OGA: variants seen among roughly 807,000 people sequenced by gnomAD.
The protein encoded by OGA is protein O-GlcNAcase.
Under a neutral mutation model 102.0 loss-of-function variants are expected in OGA, and 21 were observed. That is an observed-to-expected ratio of 0.21 (90% CI 0.15 to 0.30). OGA has a LOEUF of 0.30. Ranked by LOEUF, OGA falls within the 10% of genes least tolerant of loss-of-function variation. The pLI is 1.00. For synonymous variants in OGA, 408 were observed against 378.2 expected (o/e 1.08, Z -0.91); for missense variants, 765 against 1,107.8 (o/e 0.69, Z 4.39).
Position 101,818,130 on chromosome 10 carries a change from T to G in OGA, c.-108A>C. 7.2e-7 allele frequency: 1 copy of G among 1,392,038 alleles called. No homozygotes were observed. Among genetic ancestry groups the G allele is most frequent in the South Asian group, 1.6e-5 (1 of 62,712 alleles). 86.2% of individuals were successfully genotyped at this position (1,392,038 alleles called of 1,614,324 possible). ...GGCTTCAGCTCCAAGTGTGCGCCCC[T>G]CCGGCTCCTTCCCCTCCCCCTCTGC... On this transcript the variant is annotated 5_prime_UTR_variant, in exon 1 of 16. Transcript: ENST00000361464.
Position 101,786,937 on chromosome 10 carries a change from C to T in OGA, c.2615-350G>A, listed in dbSNP as rs537003230. On this transcript the variant is annotated intron_variant, in intron 15 of 15. Transcript: ENST00000361464. Reference sequence around the variant, plus strand: ...CGCCTGCCACCACTCTTAGTAGAGACAGGGTTTCACCATGTTGGCCAGGCT... The same window carrying T: ...CGCCTGCCACCACTCTTAGTAGAGATAGGGTTTCACCATGTTGGCCAGGCT... 1.0e-3 allele frequency among the ~76,000 whole-genome samples: 157 copies of T among 152,260 alleles called. 3 individuals carry two copies. Among genetic ancestry groups the T allele is most frequent in the Non-Finnish European group, 2.9e-4 (20 of 68,016 alleles).
At chr10:101,813,406 G>A in intron 2 of OGA, 149 bp downstream of exon 2, 1 of 590,932 alleles carries the variant, frequency 1.7e-6, no homozygotes, top group Non-Finnish European at 2.9e-6. Flanking sequence ...AGGCCTAGGT[G>A]AAGAAAAAAG....
chr10:101,815,989 A>AAAAAC, intron 1 of OGA, among the ~76,000 whole-genome samples: 2 of 150,106 alleles, frequency 1.3e-5, no homozygotes. Flanking sequence ...AAAAAAAAAA[A>AAAAAC]AGCCAGGCGC....
Position 101,791,535 on chromosome 10 carries a change from A to G in OGA, c.2176-96T>C. On this transcript the variant is annotated intron_variant, in intron 12 of 15. Transcript: ENST00000361464. Reference sequence around the variant, plus strand: ...GTCAGTCTGGGGAGGGAGTAACAAAATGGCCTGTCAGAAACATCTATCAGA... The same window carrying G: ...GTCAGTCTGGGGAGGGAGTAACAAAGTGGCCTGTCAGAAACATCTATCAGA... 3 of 854,932 alleles carry G rather than the reference A, an allele frequency of 3.5e-6. No individual in the cohort carries two copies. In the South Asian group the frequency reaches 4.3e-5, roughly 12 times the overall value. The allele number at this position is 854,932 out of a possible 1,614,324, so 53.0% of individuals were successfully genotyped here.
intron 5 of OGA, among the ~76,000 whole-genome samples, chr10:101,807,420 G>A (rs892454425): frequency 4.6e-4 from 70 of 152,010 alleles, no homozygotes; most frequent in Non-Finnish European, 1.2e-4. Flanking sequence ...AGTGACTAAG[G>A]TAAAAGCAAT....
Position 101,799,222 on chromosome 10 carries a change from G to T in OGA, c.1429C>A (p.His477Asn), listed in dbSNP as rs147917003. The T allele has an allele frequency of 1.2e-6, 2 of 1,613,974 alleles. No homozygotes were observed. The highest frequency in any genetic ancestry group is 2.7e-5 in the African/African-American group (2 of 74,870). Reference sequence around the variant, plus strand: ...CTCAGTATTTGATTGTCATTCTTGTGGTCCGTTTCTTCTTGTTTTTCCACC... The same window carrying T: ...CTCAGTATTTGATTGTCATTCTTGTTGTCCGTTTCTTCTTGTTTTTCCACC... ...MVVEKQEETDHKNDNQILSEI... is the reference protein window; with the variant it reads ...MVVEKQEETDNKNDNQILSEI... Residue 477 changes from histidine (H) to asparagine (N), a missense_variant, in exon 9 of 16, where the codon CAC becomes AAC. Coordinates refer to ENST00000361464, the MANE Select transcript of OGA (RefSeq NM_012215.5).
intron 1 of OGA, among the ~76,000 whole-genome samples, chr10:101,814,584 T>A (rs2065598309): frequency 1.3e-5 from 2 of 151,850 alleles, no homozygotes; most frequent in Non-Finnish European, 2.9e-5. Flanking sequence ...AGCAAAACTC[T>A]CTCTCTCAAA....
intron 11 of OGA, 124 bp from the exon 12 acceptor site, chr10:101,793,067 G>T (rs1202715297): frequency 5.8e-6 from 4 of 694,128 alleles, no homozygotes; most frequent in Non-Finnish European, 1.0e-5. Context: ...AAAGAAGAGG[G>T]GTGTACTATG....
Position 101,791,396 on chromosome 10 carries a change from A to T in OGA, c.2219T>A (p.Val740Glu). ...AGGCTGACTTTGAAAGGGTAAACCC[A>T]CTCCATCGTCATACATTTCTCTGCA... ...KICREMYDDG[V>E]GLPFQSQPDL... Residue 740 changes from valine (V) to glutamate (E), a missense_variant, in exon 13 of 16, where the codon GTG becomes GAG. Val to Glu is a moderately radical substitution (Grantham distance 121, BLOSUM62 -2). Around this residue, in one of 7 missense-constraint regions of OGA, gnomAD observed 146 missense variants for 269.7 expected, o/e 0.54. Transcript: ENST00000361464. 6.2e-7 allele frequency: 1 copy of T among 1,614,084 alleles called. No individual in the cohort carries two copies. Among genetic ancestry groups the T allele is most frequent in the Non-Finnish European group, 8.5e-7 (1 of 1,179,982 alleles).
chr10:101,813,709 A>G (rs1332204681), intron 1 of OGA, 103 bp from the exon 2 acceptor site: 2 of 626,738 alleles, frequency 3.2e-6, no homozygotes, highest in South Asian at 2.6e-5. Context: ...TATTTTGTAA[A>G]AAGCATAAAA....
At chr10:101,816,393 T>C (rs1293018455) in intron 1 of OGA, among the ~76,000 whole-genome samples, 1 of 152,222 alleles carries the variant, frequency 6.6e-6, no homozygotes, top group Non-Finnish European at 1.5e-5. Flanking sequence ...GTTCTTTAAA[T>C]AGGAAGAATC....
chr10:101,795,777 T>C (rs1028397524), intron 10 of OGA: 2 of 488,804 alleles, frequency 4.1e-6, no homozygotes, highest in Non-Finnish European at 5.3e-6. Flanking sequence ...GGGCCACACA[T>C]AAAATACACT....
At position 101,800,319 on chromosome 10, in the gene OGA, A is replaced by C. The variant is rs1247674919; in HGVS notation, c.1118T>G (p.Leu373Arg). Residue 373 changes from leucine (L) to arginine (R), a missense_variant, in exon 8 of 16, where the codon CTC becomes CGC. By Grantham distance (102) the Leu-to-Arg change is moderately radical. This residue lies in a region of OGA where 281 missense variants were observed against 345.8 expected (regional missense o/e 0.81). Transcript: ENST00000361464. ...GSDEDIETDV[L>R]YSPQMALKLA... ...CTTTAGAGCCATCTGTGGACTATAG[A>C]GTACATCAGTTTCAATATCTTCATC... 2.5e-6 allele frequency: 4 copies of C among 1,613,384 alleles called. No homozygotes were observed. Among genetic ancestry groups the C allele is most frequent in the Non-Finnish European group, 3.4e-6 (4 of 1,179,370 alleles).
chr10:101,808,085 T>C (rs2065500153), intron 4 of OGA, among the ~76,000 whole-genome samples, 184 bp from the exon 5 acceptor site: 1 of 152,208 alleles, frequency 6.6e-6, no homozygotes, highest in Non-Finnish European at 1.5e-5. Flanking sequence ...CATTTCTCAT[T>C]TGGGTTTGAA....
intron 9 of OGA, among the ~76,000 whole-genome samples, chr10:101,798,527 C>T (rs2065347648): frequency 6.6e-6 from 1 of 151,740 alleles, no homozygotes; most frequent in African/African-American, 2.4e-5. Flanking sequence ...GATTCTCCTG[C>T]CTCAGCCTCC....
chr10:101,817,499 A>C (rs922644331), intron 1 of OGA, among the ~76,000 whole-genome samples: 1 of 152,184 alleles, frequency 6.6e-6, no homozygotes. Context: ...ACCCTAGGGA[A>C]TAAGATCCCA....
At chr10:101,797,941 A>G in intron 10 of OGA, 39 bp downstream of exon 10, 1 of 1,583,512 alleles carries the variant, frequency 6.3e-7, no homozygotes, top group Non-Finnish European at 8.7e-7. Context: ...TAAAGGGACA[A>G]TATATTTGAG....
chr10:101,812,956 T>C (rs779473170), intron 3 of OGA, 74 bp downstream of exon 3: 4 of 1,145,454 alleles, frequency 3.5e-6, no homozygotes, highest in Middle Eastern at 3.9e-4. Flanking sequence ...CATAAAATTC[T>C]TGTACAACTA....
Position 101,798,052 on chromosome 10 carries a change from A to C in OGA, c.1912T>G (p.Tyr638Asp), listed in dbSNP as rs1262147337. ...TCCCAAACATAGGAGTACATGTCAT[A>C]AAGAATTGTCCTGTTGGCACAATTG... is the stretch of plus-strand genomic sequence containing the variant. Reference protein sequence around the residue: ...LSNCANRTILYDMYSYVWDIK... With the variant: ...LSNCANRTILDDMYSYVWDIK... The change falls in exon 10 of 16, where the codon TAT (tyrosine) becomes GAT (aspartate). Residue 638 changes from tyrosine to aspartate, a missense_variant. Physicochemically the swap from Tyr to Asp is radical, Grantham distance 160. Coordinates refer to ENST00000361464, the MANE Select transcript of OGA (RefSeq NM_012215.5). 6.2e-7 allele frequency: 1 copy of C among 1,614,008 alleles called. No individual in the cohort carries two copies. Among genetic ancestry groups the C allele is most frequent in the Non-Finnish European group, 8.5e-7 (1 of 1,179,834 alleles).
Sources: allele counts gnomAD v4.1 joint callset (sites outside exome capture counted in the v4.1 genomes callset), GRCh38; gene constraint gnomAD v4.1.1; regional missense constraint gnomAD v4.1.1; transcripts MANE v1.5; gene names NCBI Gene and HGNC (gene_info 2026-07-23, HGNC 2026-07-21).